Variants in HIVEP3 observed in about 807,000 individuals in gnomAD.
HIVEP3 encodes the protein HIVEP zinc finger 3, also known as transcription factor HIVEP3.
Under a neutral mutation model 152.8 loss-of-function variants are expected in HIVEP3, and 49 were observed. The observed-to-expected ratio is 0.32, with a 90% CI of 0.26 to 0.41. The LOEUF (loss-of-function observed/expected upper bound fraction) is 0.41, where lower values mean the gene tolerates loss of function less well. Ranked by LOEUF, HIVEP3 falls within the 10% of genes least tolerant of loss-of-function variation. HIVEP3 has a pLI of 1.00. For synonymous variants in HIVEP3, 1,269 were observed against 1,289.0 expected (o/e 0.98, Z 0.33); for missense variants, 2,790 against 3,103.3 (o/e 0.90, Z 2.40).
intron 1 of HIVEP3, among the ~76,000 whole-genome samples, chr1:41,973,327 C>A (rs1645241067): frequency 6.6e-6 from 1 of 152,190 alleles, no homozygotes; most frequent in Non-Finnish European, 1.5e-5. Flanking sequence ...AGGCCTTGGC[C>A]CTGAGACTCT....
chr1:41,965,089 A>G (rs1645190350), intron 1 of HIVEP3, among the ~76,000 whole-genome samples: 1 of 152,254 alleles, frequency 6.6e-6, no homozygotes, highest in Non-Finnish European at 1.5e-5. Flanking sequence ...GCTGTTCTGC[A>G]GCCTCCACTG....
chr1:41,544,856 C>CTCT (rs1558046356), intron 5 of HIVEP3, among the ~76,000 whole-genome samples: 17 of 93,426 alleles, frequency 1.8e-4, no homozygotes, highest in East Asian at 2.8e-4. Flanking sequence ...CCACCACCAC[C>CTCT]ACCACCACCA....
chr1:41,546,058 CCT>C (rs1198656836), intron 5 of HIVEP3, among the ~76,000 whole-genome samples: 1 of 152,208 alleles, frequency 6.6e-6, no homozygotes, highest in Non-Finnish European at 1.5e-5. Context: ...GACCATGGCC[CCT>C]CTGAGTTTAG....
At chr1:41,704,262 C>T (rs757143064) in intron 1 of HIVEP3, among the ~76,000 whole-genome samples, 1 of 152,226 alleles carries the variant, frequency 6.6e-6, no homozygotes, top group Non-Finnish European at 1.5e-5. Flanking sequence ...ATTTGGGGGC[C>T]TTCACCAGGG....
Position 41,628,873 on chromosome 1 carries a change from C to G in HIVEP3, c.-646G>C, listed in dbSNP as rs1408732998. 9 of 1,232,032 alleles carry G rather than the reference C, an allele frequency of 7.3e-6. No homozygotes were observed. The highest frequency in any genetic ancestry group is 9.1e-6 in the Non-Finnish European group (9 of 987,940). 76.3% of individuals were successfully genotyped at this position (1,232,032 alleles called of 1,614,324 possible). A position where few individuals can be genotyped will look rare whatever the true frequency, so the allele number is the denominator to read the frequency against. On this transcript the variant is annotated 5_prime_UTR_variant, in exon 3 of 9. Transcript: ENST00000372583. Reference sequence around the variant, plus strand: ...GGCGCCGCTCTTCCCACCAGAGGGGCGGGCTTGCTTGGCCAGGACCCCGCG... The same window carrying G: ...GGCGCCGCTCTTCCCACCAGAGGGGGGGGCTTGCTTGGCCAGGACCCCGCG...
At chr1:41,806,177 C>A (rs960257453) in intron 1 of HIVEP3, among the ~76,000 whole-genome samples, 2 of 152,216 alleles carry the variant, frequency 1.3e-5, no homozygotes, top group Non-Finnish European at 2.9e-5. Flanking sequence ...AACACCCTCA[C>A]TCTGCCACCA....
chr1:41,815,153 C>T (rs1224904877), intron 1 of HIVEP3, among the ~76,000 whole-genome samples: 1 of 152,086 alleles, frequency 6.6e-6, no homozygotes, highest in Non-Finnish European at 1.5e-5. Context: ...AGAAGTCAGC[C>T]ATATAAAGAT....
chr1:41,936,693 T>C (rs955772000), intron 1 of HIVEP3, among the ~76,000 whole-genome samples: 8 of 152,236 alleles, frequency 5.3e-5, no homozygotes, highest in African/African-American at 1.7e-4. Flanking sequence ...CTGTCTTTTA[T>C]TGGGGTTCAA....
At chr1:41,738,038 G>A (rs1646944336) in intron 1 of HIVEP3, among the ~76,000 whole-genome samples, 1 of 152,194 alleles carries the variant, frequency 6.6e-6, no homozygotes, top group Non-Finnish European at 1.5e-5. Flanking sequence ...TCAGCCATGT[G>A]ATCTGTCCAA....
rs115461072 is a variant in HIVEP3, at chr1:41,513,219, C to A, written c.6002G>T (p.Arg2001Leu). ...DSSPQRCSPA[R>L]EPQASAPSPP... ...GCTTGGGGCTGAGGCCTGTGGTTCT[C>A]GGGCCGGGGAGCATCGCTGGGGAGA... The change falls in exon 8 of 9, where the codon CGA becomes CTA. Residue 2001 changes from arginine (R) to leucine (L), a missense_variant. By Grantham distance (102) the Arg-to-Leu change is moderately radical. Coordinates refer to ENST00000372583, the MANE Select transcript of HIVEP3 (RefSeq NM_024503.5). The A allele has an allele frequency of 6.2e-7, 1 of 1,613,552 alleles. No homozygotes were observed. The highest frequency in any genetic ancestry group is 8.5e-7 in the Non-Finnish European group (1 of 1,179,848).
At chr1:41,694,300 G>T (rs1407090153) in intron 2 of HIVEP3, among the ~76,000 whole-genome samples, 1 of 151,888 alleles carries the variant, frequency 6.6e-6, no homozygotes, top group Non-Finnish European at 1.5e-5. Context: ...CTCAGCACTC[G>T]GCCTTTTGCA....
chr1:41,524,949 G>A, intron 5 of HIVEP3, 39 bp from the exon 6 acceptor site: 1 of 1,578,816 alleles, frequency 6.3e-7, no homozygotes, highest in Admixed American at 1.7e-5. Flanking sequence ...GAAAAAAAAG[G>A]AGAAGAGGCA....
chr1:41,674,823 C>G (rs972732423), intron 2 of HIVEP3, among the ~76,000 whole-genome samples: 2 of 152,162 alleles, frequency 1.3e-5, no homozygotes, highest in Admixed American at 6.5e-5. Context: ...CACCTTGGAG[C>G]TCCCCAGTGT....
chr1:41,642,451 A>G (rs1166535793), intron 2 of HIVEP3, among the ~76,000 whole-genome samples: 2 of 152,052 alleles, frequency 1.3e-5, no homozygotes, highest in Non-Finnish European at 2.9e-5. Flanking sequence ...GGGTGAGCCC[A>G]CCTCATAGGC....
chr1:41,973,266 T>A (rs1645240766), intron 1 of HIVEP3, among the ~76,000 whole-genome samples: 1 of 152,256 alleles, frequency 6.6e-6, no homozygotes, highest in African/African-American at 2.4e-5. Context: ...CAGGCATGGC[T>A]TAGCTGGGCG....
At chr1:41,808,456 G>C (rs1650763007) in intron 1 of HIVEP3, among the ~76,000 whole-genome samples, 1 of 152,230 alleles carries the variant, frequency 6.6e-6, no homozygotes, top group Admixed American at 6.5e-5. Context: ...GCAGAATCCA[G>C]GGGAAGAAAG....
intron 1 of HIVEP3, among the ~76,000 whole-genome samples, chr1:41,992,643 A>T (rs1645369900): frequency 7.6e-6 from 1 of 131,846 alleles, no homozygotes; most frequent in Non-Finnish European, 1.6e-5. Flanking sequence ...AATTGGAAAA[A>T]ACTACTTTAA....
chr1:41,701,907 A>G (rs1423740992), intron 1 of HIVEP3, among the ~76,000 whole-genome samples: 1 of 152,182 alleles, frequency 6.6e-6, no homozygotes, highest in African/African-American at 2.4e-5. Context: ...CATCTCTGAG[A>G]TGCCCAGCCC....
At chr1:41,774,385 A>C (rs1174080801) in intron 1 of HIVEP3, among the ~76,000 whole-genome samples, 1 of 152,266 alleles carries the variant, frequency 6.6e-6, no homozygotes, top group Non-Finnish European at 1.5e-5. Flanking sequence ...ATGCTTTGAA[A>C]ATTTGAAGAA....
Sources: allele counts gnomAD v4.1 joint callset (sites outside exome capture counted in the v4.1 genomes callset), GRCh38; gene constraint gnomAD v4.1.1; transcripts MANE v1.5; gene names NCBI Gene and HGNC (gene_info 2026-07-23, HGNC 2026-07-21).